TENM1: variants seen among roughly 807,000 people sequenced by gnomAD.
TENM1 encodes teneurin-1.
In TENM1, 35 loss-of-function variants were observed where a neutral mutation model predicts 174.8. The ratio of observed to expected loss-of-function variants is 0.20; its 90% CI spans 0.15 to 0.27. The LOEUF (loss-of-function observed/expected upper bound fraction) is 0.27. Ranked by LOEUF, TENM1 falls within the 10% of genes least tolerant of loss-of-function variation. The pLI is 1.00. For missense variants in TENM1, 1,633 were observed against 2,130.1 expected (o/e 0.77, Z 4.59); for synonymous variants, 781 against 798.7 (o/e 0.98, Z 0.37).
chrX:124,673,603 C>A (rs73543993), intron 5 of TENM1, among the ~76,000 whole-genome samples: 1,365 of 111,131 alleles, frequency 0.012, 22 homozygotes, highest in African/African-American at 0.041. Context: ...AATTAGTGCC[C>A]CAATTAGAGT....
At chrX:124,833,216 A>C (rs6649289) in intron 3 of TENM1, among the ~76,000 whole-genome samples, 1,345 of 112,035 alleles carry the variant, frequency 0.012, 21 homozygotes, top group African/African-American at 0.041. Context: ...TTAATGATGG[A>C]TCTACAATTG....
intron 22 of TENM1, among the ~76,000 whole-genome samples, chrX:124,465,416 T>C (rs1269775230): frequency 9.1e-6 from 1 of 110,437 alleles, no homozygotes; most frequent in Non-Finnish European, 1.9e-5. Context: ...ACCTGGCAAA[T>C]TAAAACAATT....
At chrX:124,452,737 A>G (rs1250597631) in intron 23 of TENM1, among the ~76,000 whole-genome samples, 1 of 109,663 alleles carries the variant, frequency 9.1e-6, no homozygotes. Context: ...GAAGCTGGAA[A>G]CCATCATTCT....
At chrX:124,787,192 C>G (rs1315526385) in intron 3 of TENM1, among the ~76,000 whole-genome samples, 1 of 111,689 alleles carries the variant, frequency 9.0e-6, no homozygotes, top group Non-Finnish European at 1.9e-5. Context: ...TTAATTGGAA[C>G]TGATTTGAGG....
intron 11 of TENM1, among the ~76,000 whole-genome samples, chrX:124,624,632 C>T (rs1237185208): frequency 9.0e-6 from 1 of 111,610 alleles, no homozygotes; most frequent in Non-Finnish European, 1.9e-5. Context: ...AGTCTACATC[C>T]CTGCTGACAG....
At chrX:124,730,088 C>T (rs5958566) in intron 4 of TENM1, among the ~76,000 whole-genome samples, 18,161 of 109,376 alleles carry the variant, frequency 0.17, 2,187 homozygotes, top group African/African-American at 0.42. Context: ...CAGGCTGGTC[C>T]GGAACTCCTG....
chrX:124,982,524 C>T, the TENM1 span, among the ~76,000 whole-genome samples: 2 of 111,415 alleles, frequency 1.8e-5, no homozygotes, highest in African/African-American at 6.5e-5. Flanking sequence ...AAGAAGACAT[C>T]TCTGTAGATT....
intron 23 of TENM1, among the ~76,000 whole-genome samples, chrX:124,436,083 C>T (rs1278446946): frequency 9.0e-6 from 1 of 111,452 alleles, no homozygotes; most frequent in African/African-American, 3.3e-5. Context: ...AATGTTTCAT[C>T]TAAACTGTAA....
At chrX:125,001,854 C>G in the TENM1 span, among the ~76,000 whole-genome samples, 56 of 63,783 alleles carry the variant, frequency 8.8e-4, no homozygotes, top group South Asian at 3.3e-3. Context: ...TAGATAGATA[C>G]ACACACACAC....
At chrX:125,090,886 A>T in the TENM1 span, among the ~76,000 whole-genome samples, 1 of 111,816 alleles carries the variant, frequency 8.9e-6, no homozygotes, top group Admixed American at 9.5e-5. Context: ...GAAAACAGTG[A>T]CTATGACTGC....
At chrX:124,793,051 G>A (rs2055215712) in intron 3 of TENM1, among the ~76,000 whole-genome samples, 1 of 111,689 alleles carries the variant, frequency 9.0e-6, no homozygotes, top group Admixed American at 9.5e-5. Flanking sequence ...TCTGAACCTG[G>A]AACAGCAGCT....
chrX:124,498,901 G>A (rs986610632), intron 19 of TENM1, among the ~76,000 whole-genome samples: 36 of 110,933 alleles, frequency 3.2e-4, no homozygotes, highest in African/African-American at 8.8e-4. Context: ...ATAAGTGCTC[G>A]GTAAATGTTG....
intron 5 of TENM1, among the ~76,000 whole-genome samples, chrX:124,698,044 T>C (rs764605093): frequency 5.4e-5 from 6 of 111,783 alleles, no homozygotes; most frequent in South Asian, 7.5e-4. Context: ...GAACCACTAT[T>C]TTATCTTCAC....
At chrX:124,452,878 G>C (rs1378793331) in intron 23 of TENM1, among the ~76,000 whole-genome samples, 2 of 71,235 alleles carry the variant, frequency 2.8e-5, no homozygotes, top group Non-Finnish European at 5.3e-5. Context: ...GGGGGAGGGG[G>C]GAGGGATAAC....
chrX:124,692,157 AG>A (rs1299762466), intron 5 of TENM1, among the ~76,000 whole-genome samples: 4 of 111,739 alleles, frequency 3.6e-5, no homozygotes, highest in African/African-American at 9.8e-5. Flanking sequence ...CTCTAATATC[AG>A]GGTGTTTAAG....
chrX:124,844,605 A>G (rs775459576), intron 3 of TENM1, among the ~76,000 whole-genome samples: 8 of 111,332 alleles, frequency 7.2e-5, no homozygotes, highest in Non-Finnish European at 1.1e-4. Context: ...AATGATAGGT[A>G]AGGCTTTTAA....
chrX:124,419,973 T>G, intron 25 of TENM1, among the ~76,000 whole-genome samples: 1 of 112,131 alleles, frequency 8.9e-6, no homozygotes, highest in South Asian at 3.7e-4. Context: ...GAACTACAGT[T>G]TTGTTATTTA....
At chrX:124,953,937 C>T (rs6649306) in intron 1 of TENM1, among the ~76,000 whole-genome samples, 1,527 of 111,440 alleles carry the variant, frequency 0.014, 24 homozygotes, top group African/African-American at 0.048. Flanking sequence ...AGAATGAATG[C>T]GCAGAGGCAA....
intron 3 of TENM1, among the ~76,000 whole-genome samples, chrX:124,839,942 G>C (rs2056464882): frequency 9.0e-6 from 1 of 111,012 alleles, no homozygotes; most frequent in East Asian, 2.8e-4. Context: ...GGAGTGGATA[G>C]GGCACAGGAT....
Sources: allele counts gnomAD v4.1 joint callset (sites outside exome capture counted in the v4.1 genomes callset), GRCh38; gene constraint gnomAD v4.1.1; transcripts MANE v1.5; gene names NCBI Gene and HGNC (gene_info 2026-07-23, HGNC 2026-07-21).